MED12L: variants seen among roughly 807,000 people sequenced by gnomAD.
The protein encoded by MED12L is mediator complex subunit 12L.
MED12L carries 60 observed loss-of-function variants against 281.3 expected under a neutral mutation model. The ratio of observed to expected loss-of-function variants is 0.21; its 90% CI spans 0.17 to 0.26. The LOEUF is 0.26. Ranked by LOEUF, MED12L falls within the 10% of genes least tolerant of loss-of-function variation. MED12L has a pLI of 1.00. For synonymous variants in MED12L, 974 were observed against 987.2 expected (o/e 0.99, Z 0.25); for missense variants, 2,146 against 2,680.9 (o/e 0.80, Z 4.41).
intron 16 of MED12L, among the ~76,000 whole-genome samples, chr3:151,239,114 T>A (rs4680262): frequency 0.3 from 45,963 of 152,170 alleles, 7,059 homozygotes; most frequent in Non-Finnish European, 0.32. Flanking sequence ...TTAATTAGTA[T>A]GATTTTTTGG....
At chr3:151,177,806 T>A (rs1242422053) in intron 11 of MED12L, among the ~76,000 whole-genome samples, 2 of 152,220 alleles carry the variant, frequency 1.3e-5, no homozygotes, top group Non-Finnish European at 2.9e-5. Context: ...AAATATTTTT[T>A]AATTACTGCT....
chr3:151,121,686 T>G (rs1713777372), intron 3 of MED12L, among the ~76,000 whole-genome samples: 1 of 152,064 alleles, frequency 6.6e-6, no homozygotes, highest in Non-Finnish European at 1.5e-5. Flanking sequence ...TTCCAACAGA[T>G]TTTCTATAGA....
chr3:151,400,477 C>T (rs538043087), intron 39 of MED12L, among the ~76,000 whole-genome samples: 1 of 152,216 alleles, frequency 6.6e-6, no homozygotes, highest in African/African-American at 2.4e-5. Flanking sequence ...GGAATGTGTG[C>T]CCAGTTATAG....
chr3:151,409,287 G>A lies in MED12L; in HGVS notation c.5865G>A (p.Arg1955=). 6.2e-7 allele frequency: 1 copy of A among 1,613,420 alleles called. No individual in the cohort carries two copies. Among genetic ancestry groups the A allele is most frequent in the Non-Finnish European group, 8.5e-7 (1 of 1,179,838 alleles). The part of the protein sequence containing the change: ...DQAALFAAQA[R]PSPQLPQYPG... The stretch of plus-strand genomic sequence containing the variant: ...CTGCTCTCTTTGCTGCGCAAGCACG[G>A]CCCTCCCCTCAGCTCCCTCAGTATC... The change falls in exon 40 of 45, where the codon CGG becomes CGA. Residue 1955 remains arginine (R), a synonymous_variant. Transcript: ENST00000687756.
At chr3:151,359,220 C>T (rs1013972964) in intron 20 of MED12L, among the ~76,000 whole-genome samples, 1 of 152,060 alleles carries the variant, frequency 6.6e-6, no homozygotes, top group Non-Finnish European at 1.5e-5. Context: ...AGGATAATGG[C>T]CTGCAGCTAC....
chr3:151,207,903 A>T (rs1393471897), intron 16 of MED12L, among the ~76,000 whole-genome samples: 1 of 152,184 alleles, frequency 6.6e-6, no homozygotes, highest in Admixed American at 6.5e-5. Context: ...GTCAGATAGA[A>T]AGGTGAATTT....
intron 43 of MED12L, among the ~76,000 whole-genome samples, chr3:151,422,867 TAG>T (rs1718423097): frequency 6.6e-6 from 1 of 150,950 alleles, no homozygotes; most frequent in Non-Finnish European, 1.5e-5. Context: ...TAATTTTTTT[TAG>T]AGTTAGAATT....
In MED12L at chr3:151,361,967, G is replaced by A. The variant is rs183082024; in HGVS notation, c.2957+1362G>A. On this transcript the variant is annotated intron_variant, in intron 21 of 44. Transcript: ENST00000687756. ...TACTATAGATGGGTAGGAGGAGAGT[G>A]GTAGAAGGTAATAGCTAAGAAAACA... Among the ~76,000 whole-genome samples the A allele has an allele frequency of 2.6e-5, 4 of 152,176 alleles. No individual in the cohort carries two copies. In the East Asian group the frequency reaches 7.7e-4, roughly 29 times the overall value.
intron 16 of MED12L, chr3:151,337,664 A>G (rs1751192011): frequency 1.4e-6 from 1 of 718,178 alleles, no homozygotes; most frequent in Non-Finnish European, 2.3e-6. Context: ...CATACTGGAA[A>G]GGTAAATGAA....
At position 151,127,851 on chromosome 3, in the gene MED12L, T is replaced by A. The variant is rs747511659; in HGVS notation, c.423T>A (p.Asp141Glu). 1.2e-6 allele frequency: 2 copies of A among 1,611,676 alleles called. No homozygotes were observed. The highest frequency in any genetic ancestry group is 1.3e-5 in the African/African-American group (1 of 74,862). The change falls in exon 5 of 45, where the codon GAT (aspartate) becomes GAA (glutamate). Residue 141 changes from aspartate to glutamate, a missense_variant. Transcript: ENST00000687756. ...TTCCTATCCTTAGTAAAAAAGAGGA[T>A]GTTTTTGCATATTTAGCTAAATATT... ...KKVPILSKKE[D>E]VFAYLAKYSV...
intron 16 of MED12L, chr3:151,214,476 T>TA: frequency 1.7e-6 from 1 of 580,974 alleles, no homozygotes; most frequent in East Asian, 2.8e-5. Flanking sequence ...CTGTGTAAGT[T>TA]AGACACTCAT....
chr3:151,135,341 T>C (rs538466990), intron 5 of MED12L, among the ~76,000 whole-genome samples: 3 of 152,170 alleles, frequency 2.0e-5, no homozygotes, highest in African/African-American at 7.2e-5. Flanking sequence ...AAGAATGAAA[T>C]GAATCGATAC....
chr3:151,388,325 C>G (rs1319068844), intron 37 of MED12L, among the ~76,000 whole-genome samples, 153 bp downstream of exon 37: 1 of 152,178 alleles, frequency 6.6e-6, no homozygotes, highest in Non-Finnish European at 1.5e-5. Flanking sequence ...CTGAATGGCA[C>G]ACAATGACTT....
At chr3:151,199,318 T>G in intron 16 of MED12L, 2 of 1,613,424 alleles carry the variant, frequency 1.2e-6, no homozygotes, top group Non-Finnish European at 1.7e-6. Flanking sequence ...CAAGGAAAAC[T>G]AAATAAAAAA....
At chr3:151,413,526 C>T (rs1464129232) in intron 42 of MED12L, among the ~76,000 whole-genome samples, 3 of 152,158 alleles carry the variant, frequency 2.0e-5, no homozygotes, top group Non-Finnish European at 2.9e-5. Context: ...GCAGAACATT[C>T]TTCCCATTTC....
intron 16 of MED12L, among the ~76,000 whole-genome samples, chr3:151,225,556 G>A (rs1038369884): frequency 9.9e-5 from 15 of 152,112 alleles, no homozygotes; most frequent in Non-Finnish European, 1.5e-4. Flanking sequence ...TCTTAATGCC[G>A]TCACAATGGC....
chr3:151,312,475 G>A lies in MED12L; in HGVS notation c.2251-37584G>A, dbSNP rs574227354. Among the ~76,000 whole-genome samples the A allele has an allele frequency of 2.6e-5, 4 of 152,204 alleles. No individual in the cohort carries two copies. In the East Asian group the frequency reaches 7.7e-4, roughly 29 times the overall value. On this transcript the variant is annotated intron_variant, in intron 16 of 44. Coordinates refer to ENST00000687756, the MANE Select transcript of MED12L (RefSeq NM_001393769.1). ...CTGGCCTTTGCTTTGGAGGCATTCCGAATCTTGATATAGTCAGTAAAGGGT... is the reference window on the plus strand; with the variant it reads ...CTGGCCTTTGCTTTGGAGGCATTCCAAATCTTGATATAGTCAGTAAAGGGT...
In MED12L at chr3:151,372,708, T is replaced by C. The variant is rs1212939087; in HGVS notation, c.3806T>C (p.Ile1269Thr). ...AAATCCTGTGGGAAAAGCATTTCCA[T>C]AGAAACTGCCAATTTAAGAGAATAC... The part of the protein sequence containing the change: ...NPKSCGKSIS[I>T]ETANLREYAR... The change falls in exon 27 of 45, where the codon ATA becomes ACA. Residue 1269 changes from isoleucine (I) to threonine (T), a missense_variant. Physicochemically the swap from Ile to Thr is moderately conservative, Grantham distance 89. Around this residue, in one of 9 missense-constraint regions of MED12L, gnomAD observed 235 missense variants for 260.3 expected, o/e 0.90. Coordinates refer to ENST00000687756, the MANE Select transcript of MED12L (RefSeq NM_001393769.1). The C allele has an allele frequency of 1.2e-6, 2 of 1,613,916 alleles. No individual in the cohort carries two copies. Among genetic ancestry groups the C allele is most frequent in the Admixed American group, 1.7e-5 (1 of 60,006 alleles).
intron 16 of MED12L, chr3:151,340,949 G>T (rs1751742427): frequency 1.3e-5 from 2 of 152,104 alleles, no homozygotes; most frequent in Admixed American, 1.3e-4. Flanking sequence ...TTAAAATCTT[G>T]CGGCTTTTTA....
Sources: gnomAD v4.1 joint callset for allele counts (sites outside exome capture counted in the v4.1 genomes callset) on GRCh38, gnomAD v4.1.1 for gene constraint, gnomAD v4.1.1 regional missense constraint, MANE v1.5 for transcripts, NCBI Gene and HGNC (gene_info 2026-07-23, HGNC 2026-07-21) for gene names.